Variants in MAGI2 observed in about 807,000 individuals in gnomAD.
MAGI2 encodes the protein membrane associated guanylate kinase, WW and PDZ domain containing 2.
Under a neutral mutation model 133.3 loss-of-function variants are expected in MAGI2, and 35 were observed. The observed-to-expected ratio is 0.26, with a 90% CI of 0.20 to 0.35. The LOEUF (loss-of-function observed/expected upper bound fraction) is 0.35, where lower values mean the gene tolerates loss of function less well. Among genes scored for constraint, MAGI2 ranks in the 10% least tolerant of loss-of-function variants. MAGI2 has a pLI of 1.00. For synonymous variants in MAGI2, 729 were observed against 710.6 expected, an observed-to-expected ratio of 1.03 and a Z score of -0.41; for missense variants, 1,636 against 1,863.4, an observed-to-expected ratio of 0.88 and a Z score of 2.25.
chr7:78,279,669 C>CTGAGT (rs564489857), intron 9 of MAGI2, among the ~76,000 whole-genome samples: 262 of 152,152 alleles, frequency 1.7e-3, no homozygotes, highest in Middle Eastern at 6.8e-3. Flanking sequence ...TCAGATCCCT[C>CTGAGT]TGAGTGGGGA....
intron 1 of MAGI2, among the ~76,000 whole-genome samples, chr7:79,094,713 T>C (rs756414292): frequency 6.6e-6 from 1 of 152,248 alleles, no homozygotes; most frequent in East Asian, 1.9e-4. Context: ...AATCTCCTTG[T>C]ACATCTCTAC....
At chr7:78,071,522 G>A (rs1281916986) in intron 21 of MAGI2, among the ~76,000 whole-genome samples, 2 of 152,064 alleles carry the variant, frequency 1.3e-5, no homozygotes, top group African/African-American at 2.4e-5. Context: ...GGACTACAGA[G>A]CCAGACCCTG....
At chr7:79,262,085 G>A (rs1322841894) in intron 1 of MAGI2, among the ~76,000 whole-genome samples, 1 of 152,014 alleles carries the variant, frequency 6.6e-6, no homozygotes, top group Non-Finnish European at 1.5e-5. Flanking sequence ...TATCACTAGT[G>A]TTATCCCATC....
chr7:78,159,154 C>T (rs543959108), intron 16 of MAGI2, among the ~76,000 whole-genome samples: 19 of 152,280 alleles, frequency 1.2e-4, no homozygotes, highest in Admixed American at 4.6e-4. Context: ...TCTGTCTCCC[C>T]GCACAGCCGG....
At chr7:78,790,346 G>C (rs1230227673) in intron 2 of MAGI2, among the ~76,000 whole-genome samples, 3 of 151,982 alleles carry the variant, frequency 2.0e-5, no homozygotes, top group African/African-American at 7.2e-5. Flanking sequence ...AATTTTATTA[G>C]AATCCATCCT....
At chr7:79,048,427 T>C (rs1021987010) in intron 1 of MAGI2, among the ~76,000 whole-genome samples, 15 of 152,244 alleles carry the variant, frequency 9.9e-5, no homozygotes, top group Admixed American at 5.2e-4. Context: ...TGACTTTTTA[T>C]TTCTGCATGT....
chr7:78,385,019 G>C (rs1795252840), intron 6 of MAGI2, among the ~76,000 whole-genome samples: 1 of 152,144 alleles, frequency 6.6e-6, no homozygotes, highest in Admixed American at 6.6e-5. Flanking sequence ...TTTTGCTTTT[G>C]CCGTGAAACG....
chr7:79,266,732 G>A (rs917439121), intron 1 of MAGI2, among the ~76,000 whole-genome samples: 1 of 152,070 alleles, frequency 6.6e-6, no homozygotes, highest in African/African-American at 2.4e-5. Flanking sequence ...TTAAACAGTT[G>A]GTCAAGGTGA....
intron 1 of MAGI2, among the ~76,000 whole-genome samples, chr7:79,280,754 C>T (rs1835573770): frequency 6.6e-6 from 1 of 151,182 alleles, no homozygotes; most frequent in African/African-American, 2.4e-5. Flanking sequence ...CAAGATCACA[C>T]CTCTACACAA....
chr7:78,762,439 C>T (rs767363971), intron 2 of MAGI2, among the ~76,000 whole-genome samples: 39 of 151,364 alleles, frequency 2.6e-4, no homozygotes, highest in Non-Finnish European at 5.3e-4. Context: ...TGAGACTCCA[C>T]CAAAACAAAA....
At chr7:78,284,735 G>A (rs1267880340) in intron 9 of MAGI2, among the ~76,000 whole-genome samples, 1 of 151,998 alleles carries the variant, frequency 6.6e-6, no homozygotes, top group Non-Finnish European at 1.5e-5. Flanking sequence ...AAACTTAGCT[G>A]CCTGTCATCA....
chr7:78,211,135 T>A (rs935362197), intron 10 of MAGI2, among the ~76,000 whole-genome samples: 1 of 152,104 alleles, frequency 6.6e-6, no homozygotes, highest in South Asian at 2.1e-4. Context: ...AGAGAGGGTG[T>A]GATCTAGAGC....
intron 2 of MAGI2, among the ~76,000 whole-genome samples, chr7:78,852,273 T>C (rs1004786040): frequency 1.3e-5 from 2 of 152,124 alleles, no homozygotes; most frequent in Admixed American, 6.6e-5. Flanking sequence ...TCTTATTCTT[T>C]TGCAGGAGGT....
chr7:78,481,255 A>G (rs1387540224), intron 6 of MAGI2, among the ~76,000 whole-genome samples: 1 of 151,960 alleles, frequency 6.6e-6, no homozygotes, highest in African/African-American at 2.4e-5. Context: ...GCCTCAGAAA[A>G]CTTATAATCA....
intron 1 of MAGI2, among the ~76,000 whole-genome samples, chr7:79,143,331 T>C (rs1215269759): frequency 6.6e-6 from 1 of 152,208 alleles, no homozygotes; most frequent in Non-Finnish European, 1.5e-5. Context: ...TAGGGATAAC[T>C]TGGCAATACT....
intron 9 of MAGI2, among the ~76,000 whole-genome samples, chr7:78,317,397 C>T (rs568321041): frequency 6.6e-6 from 1 of 152,310 alleles, no homozygotes; most frequent in South Asian, 2.1e-4. Context: ...CCATTGGCCT[C>T]CACCTAATGA....
chr7:78,089,458 A>C (rs1816969831), intron 20 of MAGI2, among the ~76,000 whole-genome samples: 1 of 152,264 alleles, frequency 6.6e-6, no homozygotes, highest in Non-Finnish European at 1.5e-5. Flanking sequence ...CAAATATGCC[A>C]AATATGCCAG....
chr7:78,961,494 G>A (rs887270025), intron 2 of MAGI2, among the ~76,000 whole-genome samples: 1 of 152,232 alleles, frequency 6.6e-6, no homozygotes, highest in Middle Eastern at 3.4e-3. Context: ...CAGATAACCA[G>A]TGATATCTGG....
At chr7:78,153,586 T>G (rs922314624) in intron 16 of MAGI2, among the ~76,000 whole-genome samples, 16 of 152,180 alleles carry the variant, frequency 1.1e-4, no homozygotes, top group African/African-American at 3.9e-4. Flanking sequence ...TTGACAGAGG[T>G]TGAGACGAAC....
Sources: gnomAD v4.1 joint callset for allele counts (sites outside exome capture counted in the v4.1 genomes callset) on GRCh38, gnomAD v4.1.1 for gene constraint, MANE v1.5 for transcripts, NCBI Gene and HGNC (gene_info 2026-07-23, HGNC 2026-07-21) for gene names.